The following AKAP1 variants were observed in gnomAD, a reference collection of about 807,000 sequenced individuals.
The protein encoded by AKAP1 is A-kinase anchoring protein 1.
A neutral mutation model predicts 79.8 loss-of-function variants in AKAP1; 32 were observed. The observed-to-expected ratio is 0.40, with a 90% CI of 0.30 to 0.54. The LOEUF is 0.54. AKAP1 is among the 20% of genes least tolerant of loss of function. The pLI is 0.47. For missense variants in AKAP1, 961 were observed against 1,138.9 expected, an observed-to-expected ratio of 0.84 and a Z score of 2.25; for synonymous variants, 416 against 466.7, an observed-to-expected ratio of 0.89 and a Z score of 1.40.
intron 1 of AKAP1, among the ~76,000 whole-genome samples, chr17:57,099,100 G>C (rs1278628319): frequency 6.6e-6 from 1 of 152,088 alleles, no homozygotes; most frequent in African/African-American, 2.4e-5. Context: ...GTGGGGGCTG[G>C]TAGAGGGGCA....
At chr17:57,116,536 G>A (rs970829218) in intron 7 of AKAP1, among the ~76,000 whole-genome samples, 2 of 152,194 alleles carry the variant, frequency 1.3e-5, no homozygotes, top group Admixed American at 6.5e-5. Flanking sequence ...CAGCGCTTTG[G>A]GAGGGTCACT....
chr17:57,106,494 A>T lies in AKAP1; in HGVS notation c.1030A>T (p.Ile344Phe). The T allele has an allele frequency of 6.2e-7, 1 of 1,605,254 alleles. No homozygotes were observed. The highest frequency in any genetic ancestry group is 1.1e-5 in the South Asian group (1 of 90,756). Reference protein sequence around the residue: ...NEEGLDRNEEIKRAAFQIISQ... With the variant: ...NEEGLDRNEEFKRAAFQIISQ... Reference sequence around the variant, plus strand: ...GGAGGGCTTGGATAGAAATGAGGAGATTAAGCGGGCTGCCTTCCAGATAAT... The same window carrying T: ...GGAGGGCTTGGATAGAAATGAGGAGTTTAAGCGGGCTGCCTTCCAGATAAT... Residue 344 changes from isoleucine to phenylalanine, a missense_variant, in exon 2 of 11, where the codon ATT becomes TTT. By Grantham distance (21) the Ile-to-Phe change is conservative. This residue lies in a region of AKAP1 where 629 missense variants were observed against 781.1 expected (regional missense o/e 0.81). Coordinates refer to ENST00000337714, the MANE Select transcript of AKAP1 (RefSeq NM_003488.4).
At chr17:57,120,213 C>T in intron 10 of AKAP1, 37 bp from the exon 11 acceptor site, 3 of 1,594,048 alleles carry the variant, frequency 1.9e-6, no homozygotes, top group Non-Finnish European at 2.6e-6. Context: ...CCCCAGGATG[C>T]CATGGACAAA....
rs962926947 is a variant in AKAP1 at position 57,106,740 on chromosome 17, G to A, written c.1276G>A (p.Ala426Thr). 1.2e-6 allele frequency: 2 copies of A among 1,613,962 alleles called. No homozygotes were observed. The highest frequency in any genetic ancestry group is 1.7e-5 in the Admixed American group (1 of 60,030). The change falls in exon 2 of 11, where the codon GCA (alanine) becomes ACA (threonine). Residue 426 changes from alanine to threonine, a missense_variant. Physicochemically the swap from Ala to Thr is moderately conservative, Grantham distance 58 (BLOSUM62 0). Transcript: ENST00000337714. ...TGGCCTCCCCTTGCCAGGCCTACCA[G>A]CAGAGGGCTCACCACCACCAAAGAC... is the stretch of plus-strand genomic sequence containing the variant. Reference protein sequence around the residue: ...DAGLPLPGLPAEGSPPPKTYV... With the variant: ...DAGLPLPGLPTEGSPPPKTYV...
Position 57,086,278 on chromosome 17 carries a change from G to A in AKAP1, c.-25+880G>A. ...CGCGCCAGTTTTGGGGTTACGATGT[G>A]CTAGGAGAGGCAGTGGCTGGATGCC... On this transcript the variant is annotated intron_variant, in intron 1 of 10. Transcript: ENST00000337714. This position sits in a 1 kb window ranked among gnomAD's most constrained non-coding sequence, Gnocchi z 5.1. The A allele has an allele frequency of 2.6e-6, 1 of 381,886 alleles. No individual in the cohort carries two copies. Among genetic ancestry groups the A allele is most frequent in the South Asian group, 1.9e-5 (1 of 52,648 alleles). The allele number at this position is 381,886 out of a possible 1,614,324, so 23.7% of individuals were successfully genotyped here.
intron 3 of AKAP1, among the ~76,000 whole-genome samples, chr17:57,110,766 T>A (rs1915194094): frequency 6.6e-6 from 1 of 152,242 alleles, no homozygotes; most frequent in African/African-American, 2.4e-5. Context: ...TCTTTGAAAA[T>A]GTAACTGTAA....
intron 5 of AKAP1, among the ~76,000 whole-genome samples, chr17:57,112,863 T>C (rs1410282869): frequency 1.1e-3 from 2 of 1,900 alleles, no homozygotes; most frequent in Non-Finnish European, 1.8e-3. Context: ...CTACTTTTCC[T>C]GGCTCTCCCC....
intron 7 of AKAP1, 115 bp from the exon 8 acceptor site, chr17:57,116,745 C>G (rs1243005370): frequency 4.9e-6 from 5 of 1,013,898 alleles, no homozygotes; most frequent in African/African-American, 1.6e-5. Context: ...AAGTACGAAC[C>G]CTCTGCTTTG....
chr17:57,107,158 C>T lies in AKAP1; in HGVS notation c.1694C>T (p.Ala565Val), dbSNP rs765212676. The change falls in exon 2 of 11, where the codon GCG becomes GTG. Residue 565 changes from alanine to valine, a missense_variant. Ala to Val is a moderately conservative substitution (Grantham distance 64, BLOSUM62 0). This residue lies in a region of AKAP1 where 629 missense variants were observed against 781.1 expected (regional missense o/e 0.81). Coordinates refer to ENST00000337714, the MANE Select transcript of AKAP1 (RefSeq NM_003488.4). Reference sequence around the variant, plus strand: ...GCTGAGGATGGATGGACCATGGATGCGGAAGCAGATCATTCAGGAGGTAGG... The same window carrying T: ...GCTGAGGATGGATGGACCATGGATGTGGAAGCAGATCATTCAGGAGGTAGG... ...LGAEDGWTMD[A>V]EADHSGGSDR... 6.8e-6 allele frequency: 11 copies of T among 1,606,748 alleles called. No homozygotes were observed. The highest frequency in any genetic ancestry group is 2.2e-5 in the East Asian group (1 of 44,732).
chr17:57,116,159 C>G lies in AKAP1; in HGVS notation c.2330C>G (p.Ala777Gly). ...APGADGAWWR[A>G]QVVASYEETN... Reference sequence around the variant, plus strand: ...GGTGCGGACGGGGCCTGGTGGCGAGCCCAAGTGGTTGCCTCCTACGAGGAG... The same window carrying G: ...GGTGCGGACGGGGCCTGGTGGCGAGGCCAAGTGGTTGCCTCCTACGAGGAG... The change falls in exon 7 of 11, where the codon GCC becomes GGC. Residue 777 changes from alanine to glycine, a missense_variant. By Grantham distance (60) the Ala-to-Gly change is moderately conservative. Around this residue, in one of 3 missense-constraint regions of AKAP1, gnomAD observed 629 missense variants for 781.1 expected, o/e 0.81. Coordinates refer to ENST00000337714, the MANE Select transcript of AKAP1 (RefSeq NM_003488.4). 2 of 1,614,050 alleles carry G rather than the reference C, an allele frequency of 1.2e-6. No individual in the cohort carries two copies. Among genetic ancestry groups the G allele is most frequent in the South Asian group, 2.2e-5 (2 of 91,080 alleles).
At position 57,107,141 on chromosome 17, in the gene AKAP1, T is replaced by C. The variant is rs774957219; in HGVS notation, c.1677T>C (p.Asp559=). The C allele has an allele frequency of 6.2e-7, 1 of 1,613,266 alleles. No individual in the cohort carries two copies. The highest frequency in any genetic ancestry group is 1.3e-5 in the African/African-American group (1 of 75,002). ...AGTTGTCAGACTTGGGGGCTGAGGATGGATGGACCATGGATGCGGAAGCAG... is the reference window on the plus strand; with the variant it reads ...AGTTGTCAGACTTGGGGGCTGAGGACGGATGGACCATGGATGCGGAAGCAG... ...KGELSDLGAE[D]GWTMDAEADH... Residue 559 remains aspartate (D), a synonymous_variant, in exon 2 of 11, where the codon GAT becomes GAC. Coordinates refer to ENST00000337714, the MANE Select transcript of AKAP1 (RefSeq NM_003488.4).
intron 1 of AKAP1, chr17:57,101,845 T>C (rs957829021): frequency 6.6e-6 from 1 of 152,232 alleles, no homozygotes; most frequent in Non-Finnish European, 1.5e-5. Flanking sequence ...AATGGCTTGT[T>C]GTGTGTCCTT....
chr17:57,118,643 T>C (rs1034058038), intron 9 of AKAP1, among the ~76,000 whole-genome samples, 189 bp downstream of exon 9: 2 of 152,138 alleles, frequency 1.3e-5, no homozygotes, highest in Non-Finnish European at 2.9e-5. Context: ...GACTGAATAA[T>C]CTATAAAGGA....
intron 1 of AKAP1, chr17:57,094,408 G>A (rs1419424436): frequency 1.3e-5 from 2 of 152,244 alleles, no homozygotes; most frequent in Admixed American, 1.3e-4. Flanking sequence ...GAAGCCAGCC[G>A]ATCCATGCAG....
At chr17:57,112,667 C>T in intron 5 of AKAP1, 49 bp downstream of exon 5, 1 of 1,557,412 alleles carries the variant, frequency 6.4e-7, no homozygotes. Context: ...TTCCCCCAAA[C>T]CTACCCCAAA....
At position 57,114,610 on chromosome 17, in the gene AKAP1, T is replaced by G; in HGVS notation, c.2255T>G (p.Ile752Ser). ...QMYLCYSQPG[I>S]PTLPTPVEIT... ...TACCTCTGTTACTCTCAGCCTGGAA[T>G]CCCCACCTTGCCCACCCCAGTGGAA... Residue 752 changes from isoleucine to serine, a missense_variant, in exon 6 of 11, where the codon ATC (isoleucine) becomes AGC (serine). Transcript: ENST00000337714. 6.2e-7 allele frequency: 1 copy of G among 1,614,052 alleles called. No individual in the cohort carries two copies. Among genetic ancestry groups the G allele is most frequent in the Non-Finnish European group, 8.5e-7 (1 of 1,179,988 alleles).
intron 10 of AKAP1, 115 bp from the exon 11 acceptor site, chr17:57,120,135 A>C: frequency 1.2e-6 from 1 of 866,298 alleles, no homozygotes. Context: ...CTACACTGTT[A>C]CTCTCATACA....
At chr17:57,118,881 C>G (rs1398682199) in intron 9 of AKAP1, 101 bp from the exon 10 acceptor site, 1 of 1,337,676 alleles carries the variant, frequency 7.5e-7, no homozygotes. Context: ...CACCAGGTCT[C>G]TCCCTCGACA....
intron 2 of AKAP1, among the ~76,000 whole-genome samples, chr17:57,107,401 C>A (rs1443144079): frequency 6.6e-6 from 1 of 152,176 alleles, no homozygotes; most frequent in Non-Finnish European, 1.5e-5. Context: ...TAACTTGGTT[C>A]CTCAACCGGT....
Sources: allele counts gnomAD v4.1 joint callset (sites outside exome capture counted in the v4.1 genomes callset), GRCh38; gene constraint gnomAD v4.1.1; regional missense constraint gnomAD v4.1.1; non-coding constraint Gnocchi (gnomAD v3.1); transcripts MANE v1.5; gene names NCBI Gene and HGNC (gene_info 2026-07-23, HGNC 2026-07-21).